Variants in EYS observed in about 807,000 individuals in gnomAD.
EYS encodes protein eyes shut homolog.
A neutral mutation model predicts 282.1 loss-of-function variants in EYS; 250 were observed. The ratio of observed to expected loss-of-function variants is 0.89; its 90% CI spans 0.80 to 0.98. The LOEUF (loss-of-function observed/expected upper bound fraction) is 0.98. Among genes scored for constraint, EYS ranks in the 50% least tolerant of loss-of-function variants. EYS has a pLI of 0.00. For missense variants in EYS, 4,016 were observed against 3,709.0 expected (o/e 1.08, Z -2.15); for synonymous variants, 1,355 against 1,282.9 (o/e 1.06, Z -1.20).
intron 12 of EYS, among the ~76,000 whole-genome samples, chr6:65,262,718 T>G (rs1767652125): frequency 6.6e-6 from 1 of 152,096 alleles, no homozygotes; most frequent in Admixed American, 6.6e-5. Context: ...GACACCCAAT[T>G]TATTTAAAGT....
Position 65,466,049 on chromosome 6 carries a change from T to G in EYS, c.862+24545A>C, listed in dbSNP as rs1764987706. On this transcript the variant is annotated intron_variant, in intron 5 of 42. Transcript: ENST00000503581. ...CTACAATTTTGAGAAAGAAGAAATG[T>G]TAATGGGACAGAGAATTAGAAAAAC... 3.3e-5 allele frequency among the ~76,000 whole-genome samples: 5 copies of G among 152,076 alleles called. No homozygotes were observed. In the South Asian group the frequency reaches 8.3e-4, roughly 25 times the overall value.
At position 63,720,874 on chromosome 6, in the gene EYS, G is replaced by T. The variant is rs1452044257; in HGVS notation, c.9157C>A (p.Gln3053Lys). ...TTTATGTAGGCCTTGATAAGAGTCTGATTTTGAATTACAACTACATGGTGC... is the reference window on the plus strand; with the variant it reads ...TTTATGTAGGCCTTGATAAGAGTCTTATTTTGAATTACAACTACATGGTGC... The part of the protein sequence containing the change: ...KWHHVVVIQN[Q>K]TLIKAYINNS... The change falls in exon 43 of 43, where the codon CAG becomes AAG. Residue 3053 changes from glutamine (Q) to lysine (K), a missense_variant. Transcript: ENST00000503581. 6.4e-7 allele frequency: 1 copy of T among 1,551,000 alleles called. No homozygotes were observed. Among genetic ancestry groups the T allele is most frequent in the Admixed American group, 2.0e-5 (1 of 50,952 alleles).
chr6:64,389,667 T>C (rs947882350), intron 28 of EYS, among the ~76,000 whole-genome samples: 27 of 152,338 alleles, frequency 1.8e-4, no homozygotes, highest in Admixed American at 1.6e-3. Flanking sequence ...CTAACCCTTA[T>C]AGAAAAAGTT....
chr6:65,611,949 G>A (rs766755288), intron 2 of EYS, among the ~76,000 whole-genome samples: 4 of 151,870 alleles, frequency 2.6e-5, no homozygotes, highest in Non-Finnish European at 2.9e-5. Context: ...CTTTAAACTT[G>A]TCACATTTCT....
chr6:65,607,543 G>A (rs1293814186), intron 2 of EYS, among the ~76,000 whole-genome samples: 1 of 151,628 alleles, frequency 6.6e-6, no homozygotes, highest in Non-Finnish European at 1.5e-5. Context: ...TGATATTACT[G>A]CTTCTTTTAA....
intron 30 of EYS, among the ~76,000 whole-genome samples, chr6:64,274,410 A>T (rs937424244): frequency 4.7e-5 from 7 of 149,352 alleles, no homozygotes; most frequent in Non-Finnish European, 1.0e-4. Context: ...GGGCCCAAGC[A>T]ATCTGTCTGC....
At chr6:65,655,125 A>G (rs1227494678) in intron 1 of EYS, among the ~76,000 whole-genome samples, 2 of 151,672 alleles carry the variant, frequency 1.3e-5, no homozygotes, top group East Asian at 1.9e-4. Flanking sequence ...AATTTTGTGT[A>G]ATACAAATGA....
At chr6:65,678,816 C>CAAAAAAAAAAAAAAAAAAAAAAAAAA (rs34345454) in intron 1 of EYS, among the ~76,000 whole-genome samples, 1 of 144,520 alleles carries the variant, frequency 6.9e-6, no homozygotes. Context: ...TATACATCTC[C>CAAAAAAAAAAAAAAAAAAAAAAAAAA]AAAAAAAAAA....
intron 5 of EYS, among the ~76,000 whole-genome samples, chr6:65,469,209 C>A (rs1049534518): frequency 6.6e-6 from 1 of 151,954 alleles, no homozygotes; most frequent in Non-Finnish European, 1.5e-5. Context: ...ATTCTAGCGA[C>A]CTTATATAAT....
rs1450161754 is a variant in EYS, at chr6:64,912,569, A to G, written c.2556T>C (p.Leu852=). 6.4e-7 allele frequency: 1 copy of G among 1,551,376 alleles called. No individual in the cohort carries two copies. Among genetic ancestry groups the G allele is most frequent in the East Asian group, 2.4e-5 (1 of 40,906 alleles). The change falls in exon 16 of 43, where the codon CTT becomes CTC. Residue 852 remains leucine (L), a synonymous_variant. Transcript: ENST00000503581. ...TGCAAGGGTTATGAAGTAGGTCACA[A>G]AGGTTATAGCGTTGGTGGCAAAATT... is the stretch of plus-strand genomic sequence containing the variant. ...TGQFCHQRYN[L]CDLLHNPCRN...
intron 12 of EYS, among the ~76,000 whole-genome samples, chr6:65,097,727 T>C (rs776644260): frequency 2.7e-5 from 4 of 150,784 alleles, no homozygotes; most frequent in Non-Finnish European, 4.5e-5. Flanking sequence ...AAGGACATTA[T>C]GCTAAGCAAA....
intron 12 of EYS, among the ~76,000 whole-genome samples, chr6:65,221,143 C>T (rs761638749): frequency 3.7e-4 from 57 of 152,150 alleles, no homozygotes; most frequent in Non-Finnish European, 2.2e-4. Context: ...ATAAACTTTG[C>T]AGCCCAATGA....
At chr6:63,787,974 A>G (rs566325927) in intron 39 of EYS, 131 bp downstream of exon 39, 1 of 669,248 alleles carries the variant, frequency 1.5e-6, no homozygotes, top group Middle Eastern at 3.0e-4. Flanking sequence ...TCTGATTAAA[A>G]TCAAACTTTG....
intron 31 of EYS, among the ~76,000 whole-genome samples, chr6:64,112,284 G>T (rs116587273): frequency 0.011 from 1,597 of 151,940 alleles, 38 homozygotes; most frequent in African/African-American, 0.036. Context: ...GCCATACCTG[G>T]ACTCCATGCA....
intron 13 of EYS, among the ~76,000 whole-genome samples, chr6:65,010,561 C>T (rs1583394276): frequency 1.3e-5 from 2 of 152,164 alleles, no homozygotes; most frequent in African/African-American, 2.4e-5. Flanking sequence ...CTGATCCCGA[C>T]CTTAACTTGT....
At chr6:65,160,054 G>T (rs556800955) in intron 12 of EYS, among the ~76,000 whole-genome samples, 1 of 150,970 alleles carries the variant, frequency 6.6e-6, no homozygotes, top group African/African-American at 2.4e-5. Context: ...TTGATTTTTT[G>T]TGCCAAAATT....
chr6:64,116,565 T>A (rs1260104337), intron 31 of EYS, among the ~76,000 whole-genome samples: 5 of 152,118 alleles, frequency 3.3e-5, no homozygotes, highest in Admixed American at 1.3e-4. Flanking sequence ...ATAGGTTAAA[T>A]TCTCCAATCA....
chr6:64,353,393 A>G (rs1056804794), intron 29 of EYS, among the ~76,000 whole-genome samples: 1 of 151,576 alleles, frequency 6.6e-6, no homozygotes, highest in African/African-American at 2.4e-5. Context: ...CTCCATCATT[A>G]CCTGTGCATC....
chr6:63,951,797 A>G (rs1416101003), intron 35 of EYS, among the ~76,000 whole-genome samples: 1 of 152,056 alleles, frequency 6.6e-6, no homozygotes, highest in Non-Finnish European at 1.5e-5. Flanking sequence ...CCTCTCCCAA[A>G]TCAGTTAGCA....
Sources: allele counts gnomAD v4.1 joint callset (sites outside exome capture counted in the v4.1 genomes callset), GRCh38; gene constraint gnomAD v4.1.1; transcripts MANE v1.5; gene names NCBI Gene and HGNC (gene_info 2026-07-23, HGNC 2026-07-21).